Variants in ADAM12 observed in about 807,000 individuals in gnomAD.
ADAM12 encodes the protein disintegrin and metalloproteinase domain-containing protein 12.
Under a neutral mutation model 106.4 loss-of-function variants are expected in ADAM12, and 70 were observed. The observed-to-expected ratio is 0.66, with a 90% CI of 0.54 to 0.80. The LOEUF is 0.80. ADAM12 is among the 30% of genes least tolerant of loss of function. The pLI is 0.00. For missense variants in ADAM12, 1,010 were observed against 1,171.9 expected, an observed-to-expected ratio of 0.86 and a Z score of 2.02; for synonymous variants, 420 against 433.5, an observed-to-expected ratio of 0.97 and a Z score of 0.39.
In ADAM12 at chr10:126,262,033, T is replaced by C. The variant is rs191101264; in HGVS notation, c.260+16882A>G. Among the ~76,000 whole-genome samples the C allele has an allele frequency of 4.3e-4, 66 of 152,288 alleles. 1 individual carries two copies. The East Asian group carries it at 0.01, about 24-fold the overall frequency. Reference sequence around the variant, plus strand: ...GGCATAAGCCATGTTTGTACTGCAGTAGAATCTTTGAAAAGTCATCAATAG... The same window carrying C: ...GGCATAAGCCATGTTTGTACTGCAGCAGAATCTTTGAAAAGTCATCAATAG... On this transcript the variant is annotated intron_variant, in intron 3 of 22. Coordinates refer to ENST00000448723, the MANE Select transcript of ADAM12 (RefSeq NM_001288973.2).
intron 2 of ADAM12, among the ~76,000 whole-genome samples, chr10:126,296,871 C>A (rs959363868): frequency 2.0e-5 from 3 of 152,190 alleles, no homozygotes; most frequent in African/African-American, 7.2e-5. Flanking sequence ...TTTTACCTAA[C>A]AACTTATTCT....
chr10:126,282,887 T>C (rs1039585524), intron 2 of ADAM12, among the ~76,000 whole-genome samples: 2 of 152,076 alleles, frequency 1.3e-5, no homozygotes, highest in Non-Finnish European at 2.9e-5. Flanking sequence ...GGGGATGGTT[T>C]CGGGATGATT....
chr10:126,073,070 A>G (rs1395520464), intron 11 of ADAM12, among the ~76,000 whole-genome samples: 1 of 152,174 alleles, frequency 6.6e-6, no homozygotes, highest in African/African-American at 2.4e-5. Flanking sequence ...ACTATTAGGC[A>G]CAGATTTTTA....
At chr10:126,374,721 A>G (rs986631347) in intron 1 of ADAM12, among the ~76,000 whole-genome samples, 3 of 152,204 alleles carry the variant, frequency 2.0e-5, no homozygotes, top group African/African-American at 7.2e-5. Context: ...CTGAATTATA[A>G]GGCCCAACTA....
chr10:126,084,829 C>T (rs771401732), intron 11 of ADAM12, among the ~76,000 whole-genome samples: 44 of 152,182 alleles, frequency 2.9e-4, no homozygotes, highest in Admixed American at 2.0e-4. Context: ...AAGAATGGAT[C>T]AGGAGCCTGA....
At chr10:126,037,970 T>C (rs985767898) in intron 20 of ADAM12, among the ~76,000 whole-genome samples, 1 of 152,114 alleles carries the variant, frequency 6.6e-6, no homozygotes, top group African/African-American at 2.4e-5. Flanking sequence ...TCTGGGTGAC[T>C]GAAGGGATCA....
intron 4 of ADAM12, 92 bp downstream of exon 4, chr10:126,155,135 G>T: frequency 2.2e-6 from 3 of 1,374,208 alleles, no homozygotes; most frequent in Non-Finnish European, 2.1e-6. Flanking sequence ...AAGAATCTGG[G>T]CATGTGATTT....
intron 3 of ADAM12, among the ~76,000 whole-genome samples, chr10:126,275,781 A>G (rs1959225888): frequency 6.6e-6 from 1 of 152,204 alleles, no homozygotes; most frequent in Admixed American, 6.5e-5. Flanking sequence ...TTCAACCATT[A>G]TCAAGTTTTT....
chr10:126,345,920 A>G (rs1329513149), intron 1 of ADAM12, among the ~76,000 whole-genome samples: 1 of 151,416 alleles, frequency 6.6e-6, no homozygotes, highest in Non-Finnish European at 1.5e-5. Context: ...CTCTTTTCTT[A>G]TTAGTCTTGC....
chr10:126,197,089 A>G (rs1163904406), intron 3 of ADAM12, among the ~76,000 whole-genome samples: 1 of 152,186 alleles, frequency 6.6e-6, no homozygotes, highest in Non-Finnish European at 1.5e-5. Flanking sequence ...CTGCCGTGCA[A>G]TCCAGACCTG....
intron 3 of ADAM12, among the ~76,000 whole-genome samples, chr10:126,220,533 T>C (rs1042406770): frequency 1.3e-5 from 2 of 152,176 alleles, no homozygotes; most frequent in African/African-American, 2.4e-5. Context: ...AAAATGATTT[T>C]TGTTGTTGTT....
At chr10:126,267,655 G>A (rs111715851) in intron 3 of ADAM12, among the ~76,000 whole-genome samples, 21 of 152,258 alleles carry the variant, frequency 1.4e-4, no homozygotes, top group African/African-American at 4.8e-4. Flanking sequence ...GGGAGCAGCC[G>A]TAAATACAGA....
At chr10:126,355,906 A>G (rs954549971) in intron 1 of ADAM12, among the ~76,000 whole-genome samples, 1 of 152,200 alleles carries the variant, frequency 6.6e-6, no homozygotes. Context: ...GTCACTCCCA[A>G]GTGGTGAAAA....
chr10:126,198,225 C>A (rs562138615), intron 3 of ADAM12, among the ~76,000 whole-genome samples: 7 of 152,218 alleles, frequency 4.6e-5, no homozygotes, highest in Admixed American at 4.6e-4. Context: ...GTTGCAGACG[C>A]CCATGCTCTC....
chr10:126,323,717 C>T lies in ADAM12; in HGVS notation c.186+6695G>A, dbSNP rs570608230. 2.0e-5 allele frequency among the ~76,000 whole-genome samples: 3 copies of T among 152,204 alleles called. No individual in the cohort carries two copies. The East Asian group carries it at 5.8e-4, about 29-fold the overall frequency. On this transcript the variant is annotated intron_variant, in intron 2 of 22. Transcript: ENST00000448723. ...TAATAATGATGGTACTCTGTGATCG[C>T]GCCAGAGAGCTGAATCCCAAAGTCA... is the stretch of plus-strand genomic sequence containing the variant.
chr10:126,091,833 A>G (rs886866465), intron 11 of ADAM12, among the ~76,000 whole-genome samples: 1 of 152,182 alleles, frequency 6.6e-6, no homozygotes, highest in African/African-American at 2.4e-5. Flanking sequence ...AGTCTTCATC[A>G]TCTGTGCATT....
At chr10:126,248,166 T>A (rs1020572512) in intron 3 of ADAM12, among the ~76,000 whole-genome samples, 1 of 152,204 alleles carries the variant, frequency 6.6e-6, no homozygotes, top group Non-Finnish European at 1.5e-5. Flanking sequence ...ATACCCCCTA[T>A]GCATCACTGG....
chr10:126,066,967 C>G lies in ADAM12; in HGVS notation c.1324-161G>C. ...GTTTCCGTCTGTTAGGAAAGCAAAG[C>G]TTCTGCTTTTTATGAACCAACTGGG... is the stretch of plus-strand genomic sequence containing the variant. On this transcript the variant is annotated intron_variant, in intron 12 of 22. Coordinates refer to ENST00000448723, the MANE Select transcript of ADAM12 (RefSeq NM_001288973.2). This position sits in a 1 kb window ranked among gnomAD's most constrained non-coding sequence, Gnocchi z 5.1. 1.5e-6 allele frequency: 1 copy of G among 689,508 alleles called. No homozygotes were observed. The highest frequency in any genetic ancestry group is 1.8e-5 in the South Asian group (1 of 55,972). The allele number at this position is 689,508 out of a possible 1,614,324, so 42.7% of individuals were successfully genotyped here. A position where few individuals can be genotyped will look rare whatever the true frequency, so the allele number is the denominator to read the frequency against.
chr10:126,373,867 G>C (rs1343020352), intron 1 of ADAM12, among the ~76,000 whole-genome samples: 1 of 152,220 alleles, frequency 6.6e-6, no homozygotes, highest in African/African-American at 2.4e-5. Flanking sequence ...GAATCCCAAA[G>C]GCCTGGCAGA....
Sources: gnomAD v4.1 joint callset for allele counts (sites outside exome capture counted in the v4.1 genomes callset) on GRCh38, gnomAD v4.1.1 for gene constraint, Gnocchi (gnomAD v3.1) non-coding constraint, MANE v1.5 for transcripts, NCBI Gene and HGNC (gene_info 2026-07-23, HGNC 2026-07-21) for gene names.